Variants in XKR9 observed in about 807,000 individuals in gnomAD.
XKR9 encodes XK related 9.
Under a neutral mutation model 32.0 loss-of-function variants are expected in XKR9, and 32 were observed. That is an observed-to-expected ratio of 1.00 (90% confidence interval 0.76 to 1.34). The LOEUF is 1.34. Ranked by LOEUF, XKR9 falls within the 40% of genes most tolerant of loss-of-function variation. The probability of loss-of-function intolerance (pLI) is 0.00; values close to 1 mark genes in which losing one functional copy is unlikely to be tolerated. For missense variants in XKR9, 546 were observed against 429.7 expected (o/e 1.27, Z -2.39); for synonymous variants, 168 against 143.4 (o/e 1.17, Z -1.22).
the XKR9 span, among the ~76,000 whole-genome samples, chr8:70,962,495 A>G: frequency 6.6e-6 from 1 of 152,208 alleles, no homozygotes; most frequent in Middle Eastern, 3.2e-3. Flanking sequence ...TTCACTTAGG[A>G]TACTGGTCTC....
At chr8:70,829,736 C>T in the XKR9 span, among the ~76,000 whole-genome samples, 20 of 152,304 alleles carry the variant, frequency 1.3e-4, no homozygotes, top group South Asian at 4.2e-4. Flanking sequence ...TTGTGAGCCA[C>T]GGCGCCCAGC....
chr8:70,982,939 A>G, the XKR9 span, among the ~76,000 whole-genome samples: 1 of 152,332 alleles, frequency 6.6e-6, no homozygotes, highest in East Asian at 1.9e-4. Flanking sequence ...ATGTGTCAAT[A>G]TAATTCTGTG....
At chr8:70,788,197 A>G (rs1237193994) in intron 2 of XKR9, among the ~76,000 whole-genome samples, 3 of 152,124 alleles carry the variant, frequency 2.0e-5, no homozygotes, top group Non-Finnish European at 2.9e-5. Context: ...TAATAGCACC[A>G]ACCCTACAAC....
chr8:70,734,586 T>C lies in XKR9; in HGVS notation c.*162T>C, dbSNP rs1310099830. ...AGTAGTATTTTATTTTTAAAATTAA[T>C]TTCTCATTTGGTTTTGAAGATCTTG... On this transcript the variant is annotated 3_prime_UTR_variant, in exon 5 of 5. Coordinates refer to ENST00000408926, the MANE Select transcript of XKR9 (RefSeq NM_001011720.2). The C allele has an allele frequency of 1.0e-6, 1 of 996,868 alleles. No homozygotes were observed. Among genetic ancestry groups the C allele is most frequent in the Non-Finnish European group, 1.3e-6 (1 of 776,672 alleles). 61.8% of individuals were successfully genotyped at this position (996,868 alleles called of 1,614,324 possible).
chr8:70,802,098 G>A, the XKR9 span, among the ~76,000 whole-genome samples: 31 of 151,604 alleles, frequency 2.0e-4, no homozygotes, highest in Non-Finnish European at 3.7e-4. Context: ...CACCACGCCC[G>A]GCTATTTTTT....
chr8:70,756,732 C>G (rs1378730686), intron 2 of XKR9, among the ~76,000 whole-genome samples: 1 of 152,186 alleles, frequency 6.6e-6, no homozygotes, highest in Non-Finnish European at 1.5e-5. Context: ...AACTTATTCA[C>G]TAGCGCCAAT....
chr8:70,906,127 G>T, the XKR9 span, among the ~76,000 whole-genome samples: 1 of 152,174 alleles, frequency 6.6e-6, no homozygotes. Context: ...CAAACTCTGT[G>T]CTGGGAGAAG....
At chr8:70,726,190 T>C (rs1203062934) in intron 4 of XKR9, among the ~76,000 whole-genome samples, 3 of 152,220 alleles carry the variant, frequency 2.0e-5, no homozygotes, top group Non-Finnish European at 4.4e-5. Flanking sequence ...GGTGAAATCA[T>C]TGATACTTTG....
chr8:70,864,328 C>A, the XKR9 span, among the ~76,000 whole-genome samples: 1 of 152,132 alleles, frequency 6.6e-6, no homozygotes, highest in African/African-American at 2.4e-5. Flanking sequence ...TTTAAGAATC[C>A]TGTTAGCCTT....
intron 2 of XKR9, among the ~76,000 whole-genome samples, chr8:70,771,658 T>C (rs1807455423): frequency 6.6e-6 from 1 of 152,176 alleles, no homozygotes; most frequent in Admixed American, 6.6e-5. Flanking sequence ...AATTGAAGAT[T>C]GGGTTTGTCT....
At chr8:70,796,250 C>T in the XKR9 span, among the ~76,000 whole-genome samples, 1 of 151,982 alleles carries the variant, frequency 6.6e-6, no homozygotes, top group Non-Finnish European at 1.5e-5. Context: ...GCCTGTTATT[C>T]CCTTCTCTTT....
the XKR9 span, among the ~76,000 whole-genome samples, chr8:71,059,506 G>A: frequency 1.3e-5 from 2 of 152,204 alleles, no homozygotes; most frequent in Non-Finnish European, 2.9e-5. Context: ...TGTGCACTTA[G>A]GAACTGGCGC....
At chr8:70,864,844 A>T in the XKR9 span, among the ~76,000 whole-genome samples, 1 of 152,196 alleles carries the variant, frequency 6.6e-6, no homozygotes, top group Non-Finnish European at 1.5e-5. Flanking sequence ...GATGATCTCC[A>T]GAATAACCTT....
chr8:70,832,967 C>A, the XKR9 span, among the ~76,000 whole-genome samples: 1 of 152,206 alleles, frequency 6.6e-6, no homozygotes, highest in East Asian at 1.9e-4. Context: ...AGTTATTTAT[C>A]AAATGAATAA....
chr8:70,843,872 C>A, the XKR9 span, among the ~76,000 whole-genome samples: 1 of 152,136 alleles, frequency 6.6e-6, no homozygotes, highest in African/African-American at 2.4e-5. Context: ...GAGAGCTCAG[C>A]CCCCACCAGA....
the XKR9 span, among the ~76,000 whole-genome samples, chr8:70,889,597 T>G: frequency 6.6e-6 from 1 of 151,872 alleles, no homozygotes; most frequent in Non-Finnish European, 1.5e-5. Context: ...GTTGCCATCT[T>G]TATGTCCATG....
intron 4 of XKR9, among the ~76,000 whole-genome samples, chr8:70,729,040 A>G (rs1335794917): frequency 6.6e-6 from 1 of 152,182 alleles, no homozygotes; most frequent in Non-Finnish European, 1.5e-5. Flanking sequence ...GTGTGGACAG[A>G]GTATGAGGCC....
the XKR9 span, among the ~76,000 whole-genome samples, chr8:71,056,864 T>TG: frequency 6.6e-6 from 1 of 152,336 alleles, no homozygotes; most frequent in Non-Finnish European, 1.5e-5. Context: ...GGAAATGAGA[T>TG]GGGGAAATTG....
At chr8:70,930,534 A>G in the XKR9 span, among the ~76,000 whole-genome samples, 1 of 152,204 alleles carries the variant, frequency 6.6e-6, no homozygotes, top group African/African-American at 2.4e-5. Flanking sequence ...ATCCCTTCAA[A>G]GTGATATCAG....
Sources: allele counts gnomAD v4.1 joint callset (sites outside exome capture counted in the v4.1 genomes callset), GRCh38; gene constraint gnomAD v4.1.1; transcripts MANE v1.5; gene names NCBI Gene and HGNC (gene_info 2026-07-23, HGNC 2026-07-21).